Variants in CACNB4 observed in about 807,000 individuals in gnomAD.
The protein encoded by CACNB4 is voltage-dependent L-type calcium channel subunit beta-4.
Under a neutral mutation model 71.2 loss-of-function variants are expected in CACNB4, and 32 were observed. The observed-to-expected ratio is 0.45, with a 90% CI of 0.34 to 0.60. CACNB4 has a LOEUF of 0.60. CACNB4 is among the 20% of genes least tolerant of loss of function. CACNB4 has a pLI of 0.01. For missense variants in CACNB4, 464 were observed against 647.9 expected (o/e 0.72, Z 3.08); for synonymous variants, 231 against 236.9 (o/e 0.97, Z 0.23).
intron 2 of CACNB4, among the ~76,000 whole-genome samples, chr2:151,888,449 C>T (rs568233397): frequency 6.6e-6 from 1 of 151,936 alleles, no homozygotes; most frequent in Admixed American, 6.6e-5. Context: ...TACTTATAGC[C>T]CCACTACTTG....
At chr2:152,047,041 C>A (rs989856603) in intron 2 of CACNB4, among the ~76,000 whole-genome samples, 4 of 152,116 alleles carry the variant, frequency 2.6e-5, no homozygotes, top group Admixed American at 2.0e-4. Context: ...TGAGTCCCTT[C>A]AAGGGAAATT....
Position 151,855,374 on chromosome 2 carries a change from C to T in CACNB4, c.870G>A (p.Ala290=), listed in dbSNP as rs760342290. 11 of 1,575,798 alleles carry T rather than the reference C, an allele frequency of 7.0e-6. No individual in the cohort carries two copies. The highest frequency in any genetic ancestry group is 2.3e-5 in the East Asian group (1 of 44,146). ...IERSNTRSSL[A]EVQSEIERIF... ...TTCTTTCAATTTCACTTTGTACTTC[C>T]GCTTAAAGGAAAAATAATAAATAGA... The change falls in exon 11 of 14, where the codon GCG becomes GCA. Residue 290 remains alanine, a splice_region_variant and synonymous_variant. Transcript: ENST00000539935.
At chr2:151,846,537 GTTTGTTTTTTGTTTTGT>G (rs949320714) in intron 12 of CACNB4, among the ~76,000 whole-genome samples, 29 of 152,004 alleles carry the variant, frequency 1.9e-4, no homozygotes, top group African/African-American at 6.8e-4. Context: ...ACTTTTGTTT[GTTTGTTTTTTGTTTTGT>G]TTTGTTTTGT....
Position 151,833,742 on chromosome 2 carries a change from TTGTTA to T in CACNB4, c.*5372_*5376del, listed in dbSNP as rs1424311182. 1 of 152,122 alleles carries T rather than the reference TTGTTA, an allele frequency of 6.6e-6. No individual in the cohort carries two copies. The highest frequency in any genetic ancestry group is 6.5e-5 in the Admixed American group (1 of 15,284). 9.4% of individuals were successfully genotyped at this position (152,122 alleles called of 1,614,324 possible). On this transcript the variant is annotated 3_prime_UTR_variant, in exon 14 of 14. Transcript: ENST00000539935. ...TGACTGCCAAATTTAACGGTGGATT[TTGTTA>T]TAAGTTTGTGCTATAACAAATGTGC...
chr2:152,069,317 T>C (rs142427208), intron 2 of CACNB4, among the ~76,000 whole-genome samples: 48 of 152,062 alleles, frequency 3.2e-4, no homozygotes, highest in African/African-American at 1.0e-3. Flanking sequence ...CACAGAAACA[T>C]GGGATAAAAC....
intron 2 of CACNB4, among the ~76,000 whole-genome samples, chr2:151,889,465 C>CAAAAAAA (rs55990443): frequency 1.1e-5 from 1 of 94,752 alleles, no homozygotes; most frequent in East Asian, 2.7e-4. Context: ...GACTCTGTCT[C>CAAAAAAA]AAAAAAAAAA....
chr2:152,083,354 GAGGA>G (rs60182260), intron 2 of CACNB4, among the ~76,000 whole-genome samples: 89,713 of 150,538 alleles, frequency 0.6, 28,438 homozygotes, highest in East Asian at 0.85. Context: ...GGAAGGAAGG[GAGGA>G]AGGAAGGAAG....
chr2:152,011,068 G>A (rs924111177), intron 2 of CACNB4, among the ~76,000 whole-genome samples: 1 of 152,146 alleles, frequency 6.6e-6, no homozygotes, highest in African/African-American at 2.4e-5. Context: ...AAACTAGAGG[G>A]AGACAGAGGT....
intron 2 of CACNB4, among the ~76,000 whole-genome samples, chr2:151,930,300 G>C (rs568452981): frequency 1.4e-4 from 21 of 152,126 alleles, no homozygotes; most frequent in South Asian, 6.2e-4. Flanking sequence ...GCTGGCTTTT[G>C]GGGCGAAAAA....
chr2:151,957,362 C>T (rs1329549530), intron 2 of CACNB4, among the ~76,000 whole-genome samples: 1 of 148,048 alleles, frequency 6.8e-6, no homozygotes, highest in Non-Finnish European at 1.5e-5. Flanking sequence ...TCCCTAGATT[C>T]CTCTTGATTC....
At chr2:151,994,839 G>A (rs1308496621) in intron 2 of CACNB4, among the ~76,000 whole-genome samples, 1 of 150,278 alleles carries the variant, frequency 6.7e-6, no homozygotes, top group African/African-American at 2.5e-5. Flanking sequence ...ACAGAGTCTT[G>A]CCCATGCTGG....
At chr2:151,891,133 T>C (rs1024369382) in intron 2 of CACNB4, among the ~76,000 whole-genome samples, 1 of 152,212 alleles carries the variant, frequency 6.6e-6, no homozygotes, top group African/African-American at 2.4e-5. Context: ...GGAAGTAATA[T>C]TAATTTATAA....
intron 9 of CACNB4, chr2:151,868,217 A>C (rs1168451977): frequency 3.9e-5 from 6 of 152,204 alleles, no homozygotes; most frequent in African/African-American, 1.2e-4. Flanking sequence ...TATTTTGTGC[A>C]TTTAGTGGAT....
chr2:151,902,283 A>G (rs1043053212), intron 2 of CACNB4, among the ~76,000 whole-genome samples: 1 of 152,172 alleles, frequency 6.6e-6, no homozygotes, highest in African/African-American at 2.4e-5. Flanking sequence ...CTCCCCATTC[A>G]GCATCCCAAA....
At chr2:151,997,310 G>A (rs963504127) in intron 2 of CACNB4, among the ~76,000 whole-genome samples, 21 of 152,090 alleles carry the variant, frequency 1.4e-4, no homozygotes, top group African/African-American at 4.3e-4. Context: ...TGAGGCAGGC[G>A]GATCACGAGG....
At chr2:152,068,824 A>G (rs1686494188) in intron 2 of CACNB4, among the ~76,000 whole-genome samples, 1 of 152,322 alleles carries the variant, frequency 6.6e-6, no homozygotes. Flanking sequence ...CACAGAGGCT[A>G]TAAAAAAGTG....
intron 3 of CACNB4, 46 bp downstream of exon 3, chr2:151,883,205 T>C (rs960261023): frequency 3.1e-6 from 5 of 1,606,586 alleles, no homozygotes; most frequent in Non-Finnish European, 4.3e-6. Context: ...TGGTAGCCAC[T>C]GAGCAACGAC....
intron 2 of CACNB4, among the ~76,000 whole-genome samples, chr2:152,047,480 T>A (rs915122980): frequency 3.9e-5 from 6 of 152,244 alleles, no homozygotes; most frequent in Non-Finnish European, 8.8e-5. Flanking sequence ...ACCTGTAACC[T>A]TCACTTCAAG....
chr2:151,860,654 T>C (rs2099841411), intron 10 of CACNB4, 57 bp downstream of exon 10: 1 of 1,136,754 alleles, frequency 8.8e-7, no homozygotes, highest in Non-Finnish European at 1.3e-6. Context: ...AAATGCACCA[T>C]GTGTCAGCCC....
Sources: gnomAD v4.1 joint callset for allele counts (sites outside exome capture counted in the v4.1 genomes callset) on GRCh38, gnomAD v4.1.1 for gene constraint, MANE v1.5 for transcripts, NCBI Gene and HGNC (gene_info 2026-07-23, HGNC 2026-07-21) for gene names.